The following QTGAL variants were observed in gnomAD, a reference collection of about 807,000 sequenced individuals.
QTGAL encodes BGnT-like protein 1.
the QTGAL span, chr17:82,949,674 A>G: frequency 2.6e-5 from 4 of 152,024 alleles, no homozygotes; most frequent in Non-Finnish European, 4.4e-5. Context: ...GGAGACAGAA[A>G]GGTCATGTCG....
the QTGAL span, among the ~76,000 whole-genome samples, chr17:82,952,580 C>G: frequency 6.6e-6 from 1 of 152,296 alleles, no homozygotes; most frequent in East Asian, 1.9e-4. Flanking sequence ...TAGAGACCTA[C>G]AGAGAGACTT....
the QTGAL span, chr17:83,031,012 A>G: frequency 1.3e-5 from 2 of 152,362 alleles, no homozygotes; most frequent in South Asian, 2.1e-4. Flanking sequence ...CATAGACATT[A>G]TGTTTGAACA....
At chr17:82,951,799 G>A in the QTGAL span, among the ~76,000 whole-genome samples, 13 of 150,818 alleles carry the variant, frequency 8.6e-5, no homozygotes, top group Admixed American at 7.2e-4. Flanking sequence ...GGCCTGAGGA[G>A]GGGTGGGGTG....
At chr17:83,048,823 A>ACCACGGCCTGGTCTCAGAGGTG in the QTGAL span, 1 of 1,563,966 alleles carries the variant, frequency 6.4e-7, no homozygotes, top group Non-Finnish European at 8.8e-7. Context: ...GAAGTGTGAA[A>ACCACGGCCTGGTCTCAGAGGTG]ACTTAGTTCC....
the QTGAL span, among the ~76,000 whole-genome samples, chr17:83,028,027 C>T: frequency 6.6e-6 from 1 of 151,562 alleles, no homozygotes; most frequent in Non-Finnish European, 1.5e-5. Flanking sequence ...GGCAGGATTG[C>T]TTGAACCTGG....
chr17:83,014,453 C>G, the QTGAL span: 2 of 1,613,868 alleles, frequency 1.2e-6, no homozygotes, highest in Non-Finnish European at 1.7e-6. Flanking sequence ...CCAGTACTTA[C>G]GCTCGACGGG....
At chr17:83,021,703 C>T in the QTGAL span, among the ~76,000 whole-genome samples, 1 of 152,124 alleles carries the variant, frequency 6.6e-6, no homozygotes, top group Non-Finnish European at 1.5e-5. Flanking sequence ...ACCAACACAA[C>T]CATTTTGAGA....
chr17:83,048,730 G>C, the QTGAL span: 12 of 1,614,058 alleles, frequency 7.4e-6, no homozygotes, highest in Non-Finnish European at 1.0e-5. Flanking sequence ...TTGCAAAACA[G>C]ACCTCAAACA....
the QTGAL span, chr17:82,946,770 C>T: frequency 1.1e-6 from 1 of 907,634 alleles, no homozygotes; most frequent in Non-Finnish European, 1.7e-6. Flanking sequence ...ATGAGCTGAA[C>T]ATAAGCAGAG....
At chr17:83,034,748 G>A in the QTGAL span, among the ~76,000 whole-genome samples, 2 of 152,204 alleles carry the variant, frequency 1.3e-5, no homozygotes, top group African/African-American at 4.8e-5. Flanking sequence ...CAAGGGAGGA[G>A]TTTCCCTGCA....
the QTGAL span, among the ~76,000 whole-genome samples, chr17:82,970,033 AT>A: frequency 2.2e-4 from 33 of 152,328 alleles, no homozygotes; most frequent in African/African-American, 7.7e-4. Flanking sequence ...CAGAACGAAC[AT>A]TTTAAAGTGA....
the QTGAL span, among the ~76,000 whole-genome samples, chr17:82,974,029 C>T: frequency 1.3e-5 from 2 of 152,286 alleles, no homozygotes; most frequent in Admixed American, 6.5e-5. Context: ...GAGAGGGTGT[C>T]GTGGACCAGC....
At chr17:83,008,830 A>G in the QTGAL span, among the ~76,000 whole-genome samples, 93,473 of 151,176 alleles carry the variant, frequency 0.62, 29,085 homozygotes, top group African/African-American at 0.7. Flanking sequence ...GCGAGTGCGC[A>G]GGCTCCAGAT....
At chr17:82,963,651 G>C in the QTGAL span, among the ~76,000 whole-genome samples, 1 of 152,112 alleles carries the variant, frequency 6.6e-6, no homozygotes, top group East Asian at 1.9e-4. Context: ...AGAAATTCAA[G>C]GACTAAGTGC....
the QTGAL span, among the ~76,000 whole-genome samples, chr17:83,043,796 A>C: frequency 6.6e-6 from 1 of 152,184 alleles, no homozygotes; most frequent in Non-Finnish European, 1.5e-5. Context: ...CAAAATGCTG[A>C]AATAAAAAGT....
the QTGAL span, among the ~76,000 whole-genome samples, chr17:83,001,801 G>A: frequency 6.6e-6 from 1 of 152,064 alleles, no homozygotes; most frequent in African/African-American, 2.4e-5. Flanking sequence ...TTTGAGACAG[G>A]GTCTGTTGCC....
At chr17:83,030,485 A>G in the QTGAL span, among the ~76,000 whole-genome samples, 2 of 152,348 alleles carry the variant, frequency 1.3e-5, no homozygotes, top group South Asian at 4.1e-4. Flanking sequence ...CTGTGCTCAG[A>G]GCACCTGCCG....
At chr17:83,040,900 C>T in the QTGAL span, among the ~76,000 whole-genome samples, 1 of 151,986 alleles carries the variant, frequency 6.6e-6, no homozygotes, top group Non-Finnish European at 1.5e-5. Context: ...CCCATCTCTA[C>T]TAAAAAATAC....
At chr17:82,977,430 G>T in the QTGAL span, among the ~76,000 whole-genome samples, 3 of 152,118 alleles carry the variant, frequency 2.0e-5, no homozygotes, top group African/African-American at 4.8e-5. Context: ...GTGTTGGGAG[G>T]GGGGTGAGTA....
Sources: allele counts gnomAD v4.1 joint callset (sites outside exome capture counted in the v4.1 genomes callset), GRCh38; gene constraint gnomAD v4.1.1; transcripts MANE v1.5; gene names NCBI Gene and HGNC (gene_info 2026-07-23, HGNC 2026-07-21).